ARHGEF33: variants seen among roughly 807,000 people sequenced by gnomAD.
ARHGEF33 encodes the protein DH and coiled-coil domain-containing protein ENSP00000381780.
A neutral mutation model predicts 101.9 loss-of-function variants in ARHGEF33; 72 were observed. The observed-to-expected ratio is 0.71, with a 90% CI of 0.58 to 0.86. The LOEUF is 0.86. Among genes scored for constraint, ARHGEF33 ranks in the 40% least tolerant of loss-of-function variants. ARHGEF33 has a pLI of 0.00. For synonymous variants in ARHGEF33, 499 were observed against 442.5 expected (o/e 1.13, Z -1.60); for missense variants, 1,169 against 1,111.3 (o/e 1.05, Z -0.74).
intron 16 of ARHGEF33, among the ~76,000 whole-genome samples, chr2:38,960,959 T>G (rs958456823): frequency 6.6e-6 from 1 of 152,212 alleles, no homozygotes; most frequent in Non-Finnish European, 1.5e-5. Flanking sequence ...TCTTTAGACC[T>G]GATTAACACA....
chr2:38,902,134 G>GAAAAAAAAAAAA (rs1156887244), intron 2 of ARHGEF33, among the ~76,000 whole-genome samples: 1 of 58,478 alleles, frequency 1.7e-5, no homozygotes. Flanking sequence ...TCCATCTCAA[G>GAAAAAAAAAAAA]AAAAAAAAAA....
intron 15 of ARHGEF33, among the ~76,000 whole-genome samples, chr2:38,958,860 A>G (rs1034721763): frequency 9.2e-5 from 14 of 151,970 alleles, no homozygotes; most frequent in African/African-American, 3.4e-4. Context: ...TTTTGTACTT[A>G]GTAGAGACAG....
At chr2:38,949,313 G>A (rs886093383) in intron 10 of ARHGEF33, among the ~76,000 whole-genome samples, 3 of 152,074 alleles carry the variant, frequency 2.0e-5, no homozygotes, top group African/African-American at 4.8e-5. Flanking sequence ...TTAAACTTGC[G>A]GTGCTGAAAG....
intron 10 of ARHGEF33, among the ~76,000 whole-genome samples, chr2:38,947,668 G>C (rs1457185904): frequency 6.6e-6 from 1 of 152,140 alleles, no homozygotes; most frequent in East Asian, 1.9e-4. Flanking sequence ...GGGCTTTTTG[G>C]CTCTGACTCA....
At chr2:38,903,999 G>A (rs1416795820) in intron 2 of ARHGEF33, among the ~76,000 whole-genome samples, 1 of 151,870 alleles carries the variant, frequency 6.6e-6, no homozygotes, top group East Asian at 1.9e-4. Context: ...TATGTACCAG[G>A]GATAATAAGA....
chr2:38,928,767 C>T (rs1188757777), intron 4 of ARHGEF33, 140 bp from the exon 5 acceptor site: 1 of 715,178 alleles, frequency 1.4e-6, no homozygotes, highest in Non-Finnish European at 2.2e-6. Context: ...CTTAAGTTGT[C>T]CAAAGTGAAG....
chr2:38,931,261 A>C lies in ARHGEF33; in HGVS notation c.505+10A>C. 4 of 1,541,000 alleles carry C rather than the reference A, an allele frequency of 2.6e-6. No individual in the cohort carries two copies. The highest frequency in any genetic ancestry group is 3.5e-6 in the Non-Finnish European group (4 of 1,143,662). The stretch of plus-strand genomic sequence containing the variant: ...CAGGCCTACGAGAAAGGTACAGTTC[A>C]CAAATCATACTGAATTAATCAAGTA... On this transcript the variant is annotated intron_variant, in intron 7 of 17. Coordinates refer to ENST00000409978, the MANE Select transcript of ARHGEF33 (RefSeq NM_001145451.5).
chr2:38,901,760 G>T (rs1334099242), intron 2 of ARHGEF33, among the ~76,000 whole-genome samples: 1 of 152,140 alleles, frequency 6.6e-6, no homozygotes, highest in Non-Finnish European at 1.5e-5. Flanking sequence ...TCATGGACTT[G>T]GGATTTGAAT....
At chr2:38,955,458 T>A (rs898857649) in intron 13 of ARHGEF33, among the ~76,000 whole-genome samples, 4 of 140,108 alleles carry the variant, frequency 2.9e-5, no homozygotes, top group African/African-American at 1.0e-4. Flanking sequence ...TAGTCCAGTA[T>A]CAAAGCATCA....
chr2:38,959,580 G>A (rs186962506), intron 15 of ARHGEF33: 6 of 388,336 alleles, frequency 1.5e-5, no homozygotes, highest in Non-Finnish European at 2.8e-5. Context: ...GCTTCCACGC[G>A]GGGTGATGAC....
chr2:38,904,707 CAA>C lies in ARHGEF33; in HGVS notation c.-86+8872_-86+8873del, dbSNP rs34383703. On this transcript the variant is annotated intron_variant, in intron 2 of 17. Transcript: ENST00000409978. Reference sequence around the variant, plus strand: ...AGGGAGACGGAGCGAGACTCTGTATCAAAAAAAAAAAAAAAGGAAAAGAAGAA... The same window carrying C: ...AGGGAGACGGAGCGAGACTCTGTATCAAAAAAAAAAAAAGGAAAAGAAGAA... Among the ~76,000 whole-genome samples the C allele has an allele frequency of 5.9e-3, 757 of 128,524 alleles. 3 individuals are homozygous for C. Among genetic ancestry groups the C allele is most frequent in the African/African-American group, 9.1e-3 (298 of 32,790 alleles). 84.3% of individuals were successfully genotyped at this position (128,524 alleles called of 152,430 possible).
intron 2 of ARHGEF33, among the ~76,000 whole-genome samples, chr2:38,910,224 A>C (rs1666479184): frequency 6.6e-6 from 1 of 152,244 alleles, no homozygotes; most frequent in South Asian, 2.1e-4. Context: ...TTTTAAAACA[A>C]ATTTCAATAA....
intron 6 of ARHGEF33, 45 bp downstream of exon 6, chr2:38,929,875 T>A (rs1164586185): frequency 6.5e-7 from 1 of 1,537,000 alleles, no homozygotes; most frequent in South Asian, 1.2e-5. Flanking sequence ...CCATAAGCAA[T>A]GGCTTCTGCA....
intron 4 of ARHGEF33, among the ~76,000 whole-genome samples, chr2:38,927,564 C>T (rs564422388): frequency 1.8e-4 from 28 of 152,232 alleles, no homozygotes; most frequent in African/African-American, 4.6e-4. Flanking sequence ...GATGTGGTGG[C>T]GCATGCCTGT....
Position 38,965,988 on chromosome 2 carries a change from C to A in ARHGEF33, c.2344-18C>A. 6.5e-7 allele frequency: 1 copy of A among 1,549,724 alleles called. No homozygotes were observed. The highest frequency in any genetic ancestry group is 1.2e-5 in the South Asian group (1 of 83,676). On this transcript the variant is annotated intron_variant, in intron 16 of 17. Coordinates refer to ENST00000409978, the MANE Select transcript of ARHGEF33 (RefSeq NM_001145451.5). The stretch of plus-strand genomic sequence containing the variant: ...ATTGGAAGGAGTAAAGAAAAAAATC[C>A]CTCTTTTTTGTTTCCAGGAGATGCA...
chr2:38,922,537 G>T (rs987735327), intron 4 of ARHGEF33, among the ~76,000 whole-genome samples: 72 of 152,270 alleles, frequency 4.7e-4, no homozygotes, highest in African/African-American at 1.6e-3. Flanking sequence ...TAACCATATT[G>T]TCCCTAGACT....
At chr2:38,943,578 T>C (rs1667366371) in intron 9 of ARHGEF33, among the ~76,000 whole-genome samples, 1 of 152,196 alleles carries the variant, frequency 6.6e-6, no homozygotes, top group Admixed American at 6.5e-5. Flanking sequence ...TTGCCCCATA[T>C]GTATACTTTC....
At chr2:38,912,591 T>C (rs1666532005) in intron 2 of ARHGEF33, among the ~76,000 whole-genome samples, 1 of 152,192 alleles carries the variant, frequency 6.6e-6, no homozygotes, top group Non-Finnish European at 1.5e-5. Context: ...TGTTCCTTTT[T>C]ATATCCATTT....
rs182434779 is a variant in ARHGEF33 at position 38,892,763 on chromosome 2, T to G, written c.-159+2777T>G. Among the ~76,000 whole-genome samples the G allele has an allele frequency of 1.4e-4, 22 of 152,346 alleles. No homozygotes were observed. The East Asian group carries it at 4.2e-3, about 29-fold the overall frequency. On this transcript the variant is annotated intron_variant, in intron 1 of 17. Coordinates refer to ENST00000409978, the MANE Select transcript of ARHGEF33 (RefSeq NM_001145451.5). ...TGACTATCCAACTCTTTTTCTTGGG[T>G]GAAGCATACATTTGGCTCATGGAGC...
Sources: allele counts gnomAD v4.1 joint callset (sites outside exome capture counted in the v4.1 genomes callset), GRCh38; gene constraint gnomAD v4.1.1; transcripts MANE v1.5; gene names NCBI Gene and HGNC (gene_info 2026-07-23, HGNC 2026-07-21).